The following NCOA2 variants were observed in gnomAD, a reference collection of about 807,000 sequenced individuals.
NCOA2 encodes nuclear receptor coactivator 2.
A neutral mutation model predicts 145.1 loss-of-function variants in NCOA2; 21 were observed. That is an observed-to-expected ratio of 0.14 (90% CI 0.10 to 0.21). NCOA2 has a LOEUF of 0.21. Among genes scored for constraint, NCOA2 ranks in the 10% least tolerant of loss-of-function variants. The pLI, the probability that NCOA2 is intolerant of heterozygous loss-of-function variation, is 1.00. For missense variants in NCOA2, 1,472 were observed against 1,837.6 expected, an observed-to-expected ratio of 0.80 and a Z score of 3.64; for synonymous variants, 619 against 637.5, an observed-to-expected ratio of 0.97 and a Z score of 0.44.
At chr8:70,125,798 G>A in intron 19 of NCOA2, among the ~76,000 whole-genome samples, 1 of 152,064 alleles carries the variant, frequency 6.6e-6, no homozygotes, top group East Asian at 1.9e-4. Context: ...TTCTTGTTCA[G>A]TTTCGAGGCA....
chr8:70,128,506 C>A lies in NCOA2; in HGVS notation c.3608G>T (p.Arg1203Leu). ...LQHRLQAQQN[R>L]QPLMNQISNV... ...GCTGATTTGATTCATAAGTGGCTGG[C>A]GATTCTAAATACATACAAACAGGAT... The change falls in exon 18 of 23, where the codon CGC (arginine) becomes CTC (leucine). Residue 1203 changes from arginine (R) to leucine (L), a missense_variant. Physicochemically the swap from Arg to Leu is moderately radical, Grantham distance 102. Around this residue, in one of 4 missense-constraint regions of NCOA2, gnomAD observed 953 missense variants for 1,062.1 expected, o/e 0.90. Transcript: ENST00000452400. 1 of 1,611,890 alleles carries A rather than the reference C, an allele frequency of 6.2e-7. No individual in the cohort carries two copies. Among genetic ancestry groups the A allele is most frequent in the Non-Finnish European group, 8.5e-7 (1 of 1,178,848 alleles).
At chr8:70,423,241 T>C in the NCOA2 span, among the ~76,000 whole-genome samples, 1 of 152,210 alleles carries the variant, frequency 6.6e-6, no homozygotes, top group Non-Finnish European at 1.5e-5. Flanking sequence ...TGTAGTGCAA[T>C]GGCACGATCT....
chr8:70,133,144 C>A lies in NCOA2; in HGVS notation c.3159-1142G>T, dbSNP rs115311916. ...TCACTGGGCTCAGGTGATCCTCTGG[C>A]CTCACCCTCCTGAGTAGCTAGGACT... On this transcript the variant is annotated intron_variant, in intron 15 of 22. Transcript: ENST00000452400. Among the ~76,000 whole-genome samples, 508 of 150,480 alleles carry A rather than the reference C, an allele frequency of 3.4e-3. 5 individuals carry two copies. The highest frequency in any genetic ancestry group is 0.011 in the African/African-American group (456 of 40,620).
chr8:70,126,656 G>A, intron 19 of NCOA2, 157 bp downstream of exon 19: 1 of 667,230 alleles, frequency 1.5e-6, no homozygotes, highest in Non-Finnish European at 2.7e-6. Flanking sequence ...ACTCCTCACA[G>A]GCCCCAACTG....
At chr8:70,214,100 T>G in intron 3 of NCOA2, 25 bp from the exon 4 acceptor site, 1 of 1,578,026 alleles carries the variant, frequency 6.3e-7, no homozygotes, top group East Asian at 2.2e-5. Flanking sequence ...CACATTTTTA[T>G]GATGTATTTG....
At chr8:70,190,146 T>C (rs1431491785) in intron 4 of NCOA2, among the ~76,000 whole-genome samples, 1 of 152,318 alleles carries the variant, frequency 6.6e-6, no homozygotes, top group East Asian at 1.9e-4. Context: ...TAATAATCTC[T>C]TATATTATCC....
the NCOA2 span, among the ~76,000 whole-genome samples, chr8:70,452,638 TA>T: frequency 6.6e-6 from 1 of 151,830 alleles, no homozygotes; most frequent in Non-Finnish European, 1.5e-5. Flanking sequence ...TTGAAGTTTG[TA>T]AAACACAAAA....
At chr8:70,332,864 T>G (rs1336609458) in intron 1 of NCOA2, among the ~76,000 whole-genome samples, 3 of 152,166 alleles carry the variant, frequency 2.0e-5, no homozygotes, top group Non-Finnish European at 4.4e-5. Context: ...AGCACTGAAG[T>G]CATCCCACAG....
chr8:70,351,808 T>C (rs1291003841), intron 1 of NCOA2, among the ~76,000 whole-genome samples: 5 of 150,722 alleles, frequency 3.3e-5, no homozygotes, highest in Non-Finnish European at 7.4e-5. Flanking sequence ...TTGTCCAGGC[T>C]GTTCTCAAAC....
intron 14 of NCOA2, 24 bp downstream of exon 14, chr8:70,141,160 C>G (rs751458832): frequency 1.0e-5 from 16 of 1,605,316 alleles, no homozygotes; most frequent in Non-Finnish European, 1.4e-5. Flanking sequence ...AAGTTAAAAG[C>G]AAACAGCACT....
intron 16 of NCOA2, among the ~76,000 whole-genome samples, chr8:70,130,360 A>C (rs1051118160): frequency 2.0e-5 from 3 of 152,204 alleles, no homozygotes; most frequent in African/African-American, 7.2e-5. Context: ...AACGGACTAA[A>C]AATATTAAAA....
Position 70,113,539 on chromosome 8 carries a change from T to C in NCOA2, c.*93A>G. On this transcript the variant is annotated 3_prime_UTR_variant, in exon 23 of 23. Transcript: ENST00000452400. ...CTAGCAGAACCGGCTGGCAGGTCAG[T>C]TGGGTTGAAACAAATAGACACAGCT... 2 of 1,431,774 alleles carry C rather than the reference T, an allele frequency of 1.4e-6. No homozygotes were observed. The highest frequency in any genetic ancestry group is 1.9e-6 in the Non-Finnish European group (2 of 1,039,568). 88.7% of individuals were successfully genotyped at this position (1,431,774 alleles called of 1,614,324 possible). A position where few individuals can be genotyped will look rare whatever the true frequency, so the allele number is the denominator to read the frequency against.
intron 10 of NCOA2, among the ~76,000 whole-genome samples, chr8:70,159,243 T>TATATATATATATATATATGTATATATATA (rs869045939): frequency 3.7e-5 from 3 of 82,080 alleles, no homozygotes; most frequent in African/African-American, 5.0e-5. Flanking sequence ...TATATATATA[T>TATATATATATATATATATGTATATATATA]TTTTTTTTTT....
intron 11 of NCOA2, among the ~76,000 whole-genome samples, chr8:70,153,839 C>T (rs1812011718): frequency 6.6e-6 from 1 of 152,206 alleles, no homozygotes; most frequent in Admixed American, 6.5e-5. Flanking sequence ...GCTAATAGAA[C>T]CTTGCACTAA....
At chr8:70,174,979 A>AT (rs1175438532) in intron 4 of NCOA2, 120 bp from the exon 5 acceptor site, 13 of 867,486 alleles carry the variant, frequency 1.5e-5, no homozygotes, top group Non-Finnish European at 2.4e-5. Context: ...CAGCTACAAA[A>AT]GAGTTACAGT....
chr8:70,274,736 G>A (rs1335122677), intron 2 of NCOA2, among the ~76,000 whole-genome samples: 2 of 152,136 alleles, frequency 1.3e-5, no homozygotes, highest in Admixed American at 6.5e-5. Context: ...ATAGAACACA[G>A]CAATTATTCT....
At chr8:70,179,486 C>T (rs940143057) in intron 4 of NCOA2, among the ~76,000 whole-genome samples, 10 of 152,044 alleles carry the variant, frequency 6.6e-5, no homozygotes, top group Non-Finnish European at 1.2e-4. Flanking sequence ...TTATGTTAAC[C>T]GGACATATAC....
chr8:70,152,666 G>T (rs1367078156), intron 11 of NCOA2, among the ~76,000 whole-genome samples: 1 of 152,154 alleles, frequency 6.6e-6, no homozygotes, highest in African/African-American at 2.4e-5. Flanking sequence ...AAACATACTG[G>T]AAATTTTTCT....
Position 70,112,991 on chromosome 8 carries a change from T to G in NCOA2, c.*641A>C, listed in dbSNP as rs779956053. 1.0e-5 allele frequency: 2 copies of G among 200,132 alleles called. No individual in the cohort carries two copies. The highest frequency in any genetic ancestry group is 2.1e-5 in the Non-Finnish European group (2 of 96,958). The allele number at this position is 200,132 out of a possible 1,614,324, so 12.4% of individuals were successfully genotyped here. A position where few individuals can be genotyped will look rare whatever the true frequency, so the allele number is the denominator to read the frequency against. ...CCTCTCACAGGCTCCTTTTCATCTG[T>G]TCAGTAACTGGAGACTCTTTCCAAC... On this transcript the variant is annotated 3_prime_UTR_variant, in exon 23 of 23. Coordinates refer to ENST00000452400, the MANE Select transcript of NCOA2 (RefSeq NM_006540.4).
Sources: allele counts gnomAD v4.1 joint callset (sites outside exome capture counted in the v4.1 genomes callset), GRCh38; gene constraint gnomAD v4.1.1; regional missense constraint gnomAD v4.1.1; transcripts MANE v1.5; gene names NCBI Gene and HGNC (gene_info 2026-07-23, HGNC 2026-07-21).